The following PTPN3 variants were observed in gnomAD, a reference collection of about 807,000 sequenced individuals.
PTPN3 encodes the protein tyrosine-protein phosphatase non-receptor type 3.
In PTPN3, 96 loss-of-function variants were observed where a neutral mutation model predicts 132.7. That is an observed-to-expected ratio of 0.72 (90% CI 0.61 to 0.86). The LOEUF (loss-of-function observed/expected upper bound fraction) is 0.86. Ranked by LOEUF, PTPN3 falls within the 40% of genes least tolerant of loss-of-function variation. PTPN3 has a pLI of 0.00. For synonymous variants in PTPN3, 398 were observed against 429.0 expected (o/e 0.93, Z 0.89); for missense variants, 1,125 against 1,159.6 (o/e 0.97, Z 0.43).
chr9:109,450,509 G>A, intron 5 of PTPN3: 3 of 984,884 alleles, frequency 3.0e-6, no homozygotes, highest in Non-Finnish European at 3.6e-6. Context: ...CTCACCAAAT[G>A]CTGCCTTGTC....
chr9:109,434,256 G>A (rs1462593856), intron 9 of PTPN3, among the ~76,000 whole-genome samples: 2 of 151,552 alleles, frequency 1.3e-5, no homozygotes, highest in Admixed American at 6.6e-5. Context: ...TGATCCTACA[G>A]CCTCAGTTCC....
the PTPN3 span, among the ~76,000 whole-genome samples, chr9:109,523,840 G>A: frequency 1.4e-5 from 1 of 69,636 alleles, no homozygotes; most frequent in Non-Finnish European, 2.9e-5. Flanking sequence ...CTGAGTCCCA[G>A]TTGCTGAGCA....
At chr9:109,482,877 A>G (rs533263835) in intron 1 of PTPN3, among the ~76,000 whole-genome samples, 3 of 152,338 alleles carry the variant, frequency 2.0e-5, no homozygotes, top group African/African-American at 7.2e-5. Flanking sequence ...TGAAACTGAC[A>G]TTAACCCACA....
the PTPN3 span, among the ~76,000 whole-genome samples, chr9:109,527,022 C>T: frequency 7.9e-5 from 12 of 151,944 alleles, no homozygotes; most frequent in Admixed American, 1.3e-4. Flanking sequence ...GAATCATAGA[C>T]GTAAAAGGGC....
intron 7 of PTPN3, among the ~76,000 whole-genome samples, chr9:109,441,309 G>A (rs1364874249): frequency 6.6e-6 from 1 of 152,204 alleles, no homozygotes; most frequent in African/African-American, 2.4e-5. Context: ...AGCAAAGAGA[G>A]GGTATATCCC....
At chr9:109,458,956 T>C (rs1845694436) in intron 2 of PTPN3, among the ~76,000 whole-genome samples, 1 of 152,254 alleles carries the variant, frequency 6.6e-6, no homozygotes, top group Admixed American at 6.5e-5. Context: ...TTGCAAAGTG[T>C]AGTAGTCATC....
chr9:109,432,866 G>A (rs1000516469), intron 10 of PTPN3, among the ~76,000 whole-genome samples: 1 of 152,200 alleles, frequency 6.6e-6, no homozygotes, highest in African/African-American at 2.4e-5. Flanking sequence ...CACAGGGTGA[G>A]TTGGGGGAAG....
chr9:109,501,072 A>T (rs761562279), upstream of PTPN3, among the ~76,000 whole-genome samples: 7 of 152,310 alleles, frequency 4.6e-5, no homozygotes, highest in Admixed American at 2.0e-4. Context: ...TTAAAAGTTT[A>T]TTAATGTCAC....
chr9:109,428,956 T>C, intron 10 of PTPN3: 1 of 985,474 alleles, frequency 1.0e-6, no homozygotes, highest in South Asian at 4.7e-5. Flanking sequence ...CTCTTTGCTA[T>C]AAGCTGCTTT....
In PTPN3 at chr9:109,422,783, G is replaced by C. The variant is rs374793150; in HGVS notation, c.1071C>G (p.Ser357=). The C allele has an allele frequency of 1.9e-6, 3 of 1,611,004 alleles. No individual in the cohort carries two copies. The African/African-American group carries it at 4.0e-5, about 22-fold the overall frequency. Reference sequence around the variant, plus strand: ...TGGTTTCTAAGTGCTCCACTGATAAGGATCTCCGCATGGCTGGGTTCCACA... The same window carrying C: ...TGGTTTCTAAGTGCTCCACTGATAACGATCTCCGCATGGCTGGGTTCCACA... ...GMVWNPAMRR[S]LSVEHLETKS... is the part of the protein sequence containing the mutation. The change falls in exon 13 of 26, where the codon TCC becomes TCG. Residue 357 remains serine (S), a synonymous_variant. Coordinates refer to ENST00000374541, the MANE Select transcript of PTPN3 (RefSeq NM_002829.4).
In PTPN3 at chr9:109,450,897, C is replaced by T. The variant is rs929918092; in HGVS notation, c.369-2042G>A. The T allele has an allele frequency of 7.1e-6, 7 of 985,296 alleles. No homozygotes were observed. The East Asian group carries it at 6.8e-4, about 96-fold the overall frequency. 61.0% of individuals were successfully genotyped at this position (985,296 alleles called of 1,614,324 possible). On this transcript the variant is annotated intron_variant, in intron 5 of 25. Transcript: ENST00000374541. ...AACAAACAAAAACTAACAGATACCACCTCTATACATCTTCTTTGACTCTTG... is the reference window on the plus strand; with the variant it reads ...AACAAACAAAAACTAACAGATACCATCTCTATACATCTTCTTTGACTCTTG...
intron 1 of PTPN3, among the ~76,000 whole-genome samples, chr9:109,484,838 C>G (rs1210232836): frequency 6.6e-6 from 1 of 152,202 alleles, no homozygotes; most frequent in Non-Finnish European, 1.5e-5. Context: ...GTCCTCAGCC[C>G]TCTATGACCC....
chr9:109,431,323 C>T (rs990995536), intron 10 of PTPN3, among the ~76,000 whole-genome samples: 5 of 152,258 alleles, frequency 3.3e-5, no homozygotes, highest in Non-Finnish European at 7.3e-5. Flanking sequence ...CAGCCCTTGT[C>T]TGTGGGCCCT....
At chr9:109,415,642 G>C (rs1842431253) in intron 14 of PTPN3, among the ~76,000 whole-genome samples, 1 of 152,226 alleles carries the variant, frequency 6.6e-6, no homozygotes, top group East Asian at 1.9e-4. Flanking sequence ...AAGAGACGAT[G>C]GTGGCTGCAT....
chr9:109,537,986 T>G, the PTPN3 span, among the ~76,000 whole-genome samples: 1 of 152,222 alleles, frequency 6.6e-6, no homozygotes, highest in African/African-American at 2.4e-5. Context: ...ATTCTACCAT[T>G]AGCCCTCTCA....
At chr9:109,516,237 A>T in the PTPN3 span, among the ~76,000 whole-genome samples, 1 of 152,230 alleles carries the variant, frequency 6.6e-6, no homozygotes, top group African/African-American at 2.4e-5. Context: ...CGGGATACAA[A>T]GGCCAATTAG....
At chr9:109,410,947 G>A (rs1037942515) in intron 14 of PTPN3, among the ~76,000 whole-genome samples, 3 of 152,198 alleles carry the variant, frequency 2.0e-5, no homozygotes, top group African/African-American at 4.8e-5. Context: ...GAACTGCCAC[G>A]CTGAGATCTT....
chr9:109,425,001 T>C (rs776540178), intron 12 of PTPN3, among the ~76,000 whole-genome samples: 18 of 152,216 alleles, frequency 1.2e-4, no homozygotes, highest in Non-Finnish European at 2.4e-4. Flanking sequence ...GGGCATGGTT[T>C]CAGTTGCCTC....
At chr9:109,470,260 C>T (rs886142343) in intron 1 of PTPN3, among the ~76,000 whole-genome samples, 3 of 152,202 alleles carry the variant, frequency 2.0e-5, no homozygotes, top group African/African-American at 7.2e-5. Flanking sequence ...TCTCTCTCGT[C>T]ACTGTAGACA....
Sources: allele counts gnomAD v4.1 joint callset (sites outside exome capture counted in the v4.1 genomes callset), GRCh38; gene constraint gnomAD v4.1.1; transcripts MANE v1.5; gene names NCBI Gene and HGNC (gene_info 2026-07-23, HGNC 2026-07-21).